The following CDH6 variants were observed in gnomAD, a reference collection of about 807,000 sequenced individuals.
CDH6 encodes the protein cadherin-6.
A neutral mutation model predicts 78.0 loss-of-function variants in CDH6; 31 were observed. The observed-to-expected ratio is 0.40, with a 90% CI of 0.30 to 0.54. CDH6 has a LOEUF of 0.54. Among genes scored for constraint, CDH6 ranks in the 20% least tolerant of loss-of-function variants. CDH6 has a pLI of 0.56. For missense variants in CDH6, 724 were observed against 975.9 expected, an observed-to-expected ratio of 0.74 and a Z score of 3.44; for synonymous variants, 376 against 368.8, an observed-to-expected ratio of 1.02 and a Z score of -0.23.
At chr5:31,292,822 C>CATATAT (rs1160180405) in intron 2 of CDH6, among the ~76,000 whole-genome samples, 3 of 49,952 alleles carry the variant, frequency 6.0e-5, no homozygotes, top group African/African-American at 3.0e-4. Flanking sequence ...TATATGTGTG[C>CATATAT]ATATATATAT....
chr5:31,325,804 T>A lies in CDH6; in HGVS notation c.*2496T>A, dbSNP rs1738612497. On this transcript the variant is annotated 3_prime_UTR_variant, in exon 12 of 12. Coordinates refer to ENST00000265071, the MANE Select transcript of CDH6 (RefSeq NM_004932.4). ...AATCTCTTATCATAAAAGCTGATGA[T>A]GAAGTAAATTTATAGGAAATTGGAT... 4.3e-6 allele frequency: 1 copy of A among 231,246 alleles called. No individual in the cohort carries two copies. The highest frequency in any genetic ancestry group is 8.6e-6 in the Non-Finnish European group (1 of 116,846). 14.3% of individuals were successfully genotyped at this position (231,246 alleles called of 1,614,324 possible). A position where few individuals can be genotyped will look rare whatever the true frequency, so the allele number is the denominator to read the frequency against.
chr5:31,296,474 A>G lies in CDH6; in HGVS notation c.524-815A>G, dbSNP rs373579729. 2.6e-5 allele frequency among the ~76,000 whole-genome samples: 4 copies of G among 152,296 alleles called. 1 individual carries two copies. The highest frequency in any genetic ancestry group is 9.6e-5 in the African/African-American group (4 of 41,578). On this transcript the variant is annotated intron_variant, in intron 3 of 11. Coordinates refer to ENST00000265071, the MANE Select transcript of CDH6 (RefSeq NM_004932.4). ...TGAAATGTAATAGCCTTCTTTGTAT[A>G]TTTAAGTATAATGACCTTTTGGAAT...
intron 2 of CDH6, among the ~76,000 whole-genome samples, chr5:31,280,133 A>G (rs1579877615): frequency 6.6e-6 from 1 of 152,308 alleles, no homozygotes; most frequent in African/African-American, 2.4e-5. Flanking sequence ...TTAACACCTG[A>G]AGAAGGGGAA....
intron 10 of CDH6, 31 bp from the exon 11 acceptor site, chr5:31,317,642 A>T (rs763988260): frequency 3.1e-6 from 5 of 1,597,356 alleles, no homozygotes; most frequent in Non-Finnish European, 4.3e-6. Context: ...CAGTATCCAC[A>T]TACATTCACC....
At chr5:31,288,487 T>A (rs1743068699) in intron 2 of CDH6, among the ~76,000 whole-genome samples, 1 of 152,190 alleles carries the variant, frequency 6.6e-6, no homozygotes, top group South Asian at 2.1e-4. Context: ...AACAAGCTTT[T>A]CCCAGCCTTC....
chr5:31,268,615 T>C (rs1459006616), intron 2 of CDH6, among the ~76,000 whole-genome samples: 1 of 152,198 alleles, frequency 6.6e-6, no homozygotes, highest in Non-Finnish European at 1.5e-5. Flanking sequence ...CACACATCCC[T>C]TCATAAACAA....
Position 31,267,408 on chromosome 5 carries a change from T to C in CDH6, c.-66T>C. 1 of 1,097,486 alleles carries C rather than the reference T, an allele frequency of 9.1e-7. No individual in the cohort carries two copies. Among genetic ancestry groups the C allele is most frequent in the East Asian group, 2.4e-5 (1 of 42,412 alleles). The allele number at this position is 1,097,486 out of a possible 1,614,324, so 68.0% of individuals were successfully genotyped here. A position where few individuals can be genotyped will look rare whatever the true frequency, so the allele number is the denominator to read the frequency against. On this transcript the variant is annotated 5_prime_UTR_variant, in exon 2 of 12. Transcript: ENST00000265071. The stretch of plus-strand genomic sequence containing the variant: ...GAAGGAGGAATGAGGCTGGATACGG[T>C]GCAGTGAAAAAGGCACTTCCAAGAG...
At chr5:31,215,937 A>C (rs1740848922) in intron 1 of CDH6, among the ~76,000 whole-genome samples, 1 of 152,132 alleles carries the variant, frequency 6.6e-6, no homozygotes, top group Admixed American at 6.5e-5. Context: ...GTTTCCTGAT[A>C]ATGACTGTGT....
At position 31,324,108 on chromosome 5, in the gene CDH6, A is replaced by G. The variant is rs1738555448; in HGVS notation, c.*800A>G. The G allele has an allele frequency of 4.5e-6, 1 of 221,250 alleles. No individual in the cohort carries two copies. The highest frequency in any genetic ancestry group is 1.8e-4 in the South Asian group (1 of 5,438). 13.7% of individuals were successfully genotyped at this position (221,250 alleles called of 1,614,324 possible). A position where few individuals can be genotyped will look rare whatever the true frequency, so the allele number is the denominator to read the frequency against. The stretch of plus-strand genomic sequence containing the variant: ...ATACATTTAAAGTTTTGGCCACCAC[A>G]TGTATCACGGGTCACTTGAAATTCT... On this transcript the variant is annotated 3_prime_UTR_variant, in exon 12 of 12. Transcript: ENST00000265071.
chr5:31,318,076 G>A, intron 11 of CDH6, 152 bp downstream of exon 11: 1 of 945,166 alleles, frequency 1.1e-6, no homozygotes, highest in Non-Finnish European at 1.7e-6. Context: ...TGTACGATGT[G>A]AACTCATTTT....
chr5:31,238,296 T>A (rs893498131), intron 1 of CDH6, among the ~76,000 whole-genome samples: 1 of 152,220 alleles, frequency 6.6e-6, no homozygotes, highest in Non-Finnish European at 1.5e-5. Flanking sequence ...AGAGCCAGAA[T>A]AATGCCCTGT....
At chr5:31,291,728 C>T (rs1455996237) in intron 2 of CDH6, among the ~76,000 whole-genome samples, 1 of 152,152 alleles carries the variant, frequency 6.6e-6, no homozygotes, top group Non-Finnish European at 1.5e-5. Context: ...TTCAGTCATT[C>T]GAATTTGACG....
intron 7 of CDH6, among the ~76,000 whole-genome samples, chr5:31,310,551 C>A (rs1415044249): frequency 6.6e-6 from 1 of 152,152 alleles, no homozygotes. Flanking sequence ...GGGGCTCCAA[C>A]CCCTCATTTT....
chr5:31,239,585 G>A (rs1446519361), intron 1 of CDH6, among the ~76,000 whole-genome samples: 1 of 152,164 alleles, frequency 6.6e-6, no homozygotes, highest in Non-Finnish European at 1.5e-5. Flanking sequence ...CAAATGAGTG[G>A]CTAATAAAAG....
chr5:31,297,282 A>G lies in CDH6; in HGVS notation c.524-7A>G, dbSNP rs1225139392. On this transcript the variant is annotated splice_region_variant and splice_polypyrimidine_tract_variant and intron_variant, in intron 3 of 11. Coordinates refer to ENST00000265071, the MANE Select transcript of CDH6 (RefSeq NM_004932.4). ...TGTGTTTTCAGTTTATATTTCTGTCATTACAGGTACATTTGTTGTCCAAGT... is the reference window on the plus strand; with the variant it reads ...TGTGTTTTCAGTTTATATTTCTGTCGTTACAGGTACATTTGTTGTCCAAGT... 2.5e-6 allele frequency: 4 copies of G among 1,610,178 alleles called. No homozygotes were observed. Among genetic ancestry groups the G allele is most frequent in the Non-Finnish European group, 3.4e-6 (4 of 1,176,780 alleles).
At chr5:31,248,532 G>A (rs1050225504) in intron 1 of CDH6, among the ~76,000 whole-genome samples, 2 of 152,054 alleles carry the variant, frequency 1.3e-5, no homozygotes, top group African/African-American at 4.8e-5. Flanking sequence ...TTACTTTAAG[G>A]ACTTGTTTTA....
chr5:31,267,615 C>T lies in CDH6; in HGVS notation c.142C>T (p.Leu48=), dbSNP rs1238494046. The stretch of plus-strand genomic sequence containing the variant: ...GCTCTCTGGAAACAGCAAAAATGAG[C>T]TGAACCGTTCAAAAAGGAGCTGGAT... The part of the protein sequence containing the change: ...LELSGNSKNE[L]NRSKRSWMWN... The change falls in exon 2 of 12, where the codon CTG becomes TTG. Residue 48 remains leucine (L), a synonymous_variant. Coordinates refer to ENST00000265071, the MANE Select transcript of CDH6 (RefSeq NM_004932.4). 1 of 1,614,110 alleles carries T rather than the reference C, an allele frequency of 6.2e-7. No individual in the cohort carries two copies. Among genetic ancestry groups the T allele is most frequent in the Non-Finnish European group, 8.5e-7 (1 of 1,180,018 alleles).
intron 2 of CDH6, among the ~76,000 whole-genome samples, chr5:31,270,129 G>T (rs1254593485): frequency 1.3e-5 from 2 of 152,112 alleles, no homozygotes; most frequent in Admixed American, 1.3e-4. Context: ...GCCACAAGTT[G>T]GTCCACCTTT....
chr5:31,199,691 A>G (rs374335755), intron 1 of CDH6, among the ~76,000 whole-genome samples: 1,175 of 100,234 alleles, frequency 0.012, 7 homozygotes, highest in African/African-American at 0.015. Context: ...GTGTGTATAT[A>G]TATATATATA....
Sources: gnomAD v4.1 joint callset for allele counts (sites outside exome capture counted in the v4.1 genomes callset) on GRCh38, gnomAD v4.1.1 for gene constraint, MANE v1.5 for transcripts, NCBI Gene and HGNC (gene_info 2026-07-23, HGNC 2026-07-21) for gene names.